The following DR1 variants were observed in gnomAD, a reference collection of about 807,000 sequenced individuals.
DR1 encodes the protein down-regulator of transcription 1.
DR1 carries 7 observed loss-of-function variants against 19.9 expected under a neutral mutation model. The observed-to-expected ratio is 0.35, with a 90% CI of 0.20 to 0.66. DR1 has a LOEUF of 0.66. Ranked by LOEUF, DR1 falls within the 30% of genes least tolerant of loss-of-function variation. The probability of loss-of-function intolerance (pLI) is 0.66; values close to 1 mark genes in which losing one functional copy is unlikely to be tolerated. For synonymous variants in DR1, 76 were observed against 72.5 expected (o/e 1.05, Z -0.24); for missense variants, 98 against 203.7 (o/e 0.48, Z 3.16).
chr1:93,346,840 C>A lies in DR1; in HGVS notation c.195C>A (p.Thr65=), dbSNP rs1268714889. 1.2e-5 allele frequency: 20 copies of A among 1,612,538 alleles called. No individual in the cohort carries two copies. Among genetic ancestry groups the A allele is most frequent in the Non-Finnish European group, 1.7e-5 (20 of 1,179,336 alleles). ...TTTGTAACAAATCGGAAAAGAAGAC[C>A]ATCTCACCAGAGCATGTCATACAAG... The part of the protein sequence containing the change: ...NEICNKSEKK[T]ISPEHVIQAL... The change falls in exon 1 of 3, where the codon ACC becomes ACA. Residue 65 remains threonine, a synonymous_variant. Coordinates refer to ENST00000370272, the MANE Select transcript of DR1 (RefSeq NM_001938.3).
rs1667203729 is a variant in DR1 at position 93,369,137 on chromosome 1, G to C, written c.*8498G>C. 1 of 152,072 alleles carries C rather than the reference G, an allele frequency of 6.6e-6. No individual in the cohort carries two copies. Among genetic ancestry groups the C allele is most frequent in the African/African-American group, 2.4e-5 (1 of 41,408 alleles). The allele number at this position is 152,072 out of a possible 1,614,324, so 9.4% of individuals were successfully genotyped here. ...GGAACCAATCCCTGGCGGATACCAA[G>C]GGATGACTGTAATATAATAACATCT... On this transcript the variant is annotated 3_prime_UTR_variant, in exon 3 of 3. Coordinates refer to ENST00000370272, the MANE Select transcript of DR1 (RefSeq NM_001938.3).
chr1:93,354,806 A>G (rs1395120923), intron 2 of DR1, among the ~76,000 whole-genome samples: 1 of 152,188 alleles, frequency 6.6e-6, no homozygotes, highest in East Asian at 1.9e-4. Flanking sequence ...CATAACAATC[A>G]GTTTGGTTTA....
intron 1 of DR1, 83 bp from the exon 2 acceptor site, chr1:93,353,825 G>A: frequency 1.8e-6 from 2 of 1,139,224 alleles, no homozygotes; most frequent in Non-Finnish European, 1.2e-6. Context: ...CCAAAGAAAA[G>A]CCCACAAAAA....
chr1:93,346,548 T>A lies in DR1; in HGVS notation c.-98T>A. On this transcript the variant is annotated 5_prime_UTR_variant, in exon 1 of 3. Transcript: ENST00000370272. Reference sequence around the variant, plus strand: ...CCTCTTCGCAAAGCACCCCCCGGGATCACTCTCCGAGGGCGACTTTTTGAG... The same window carrying A: ...CCTCTTCGCAAAGCACCCCCCGGGAACACTCTCCGAGGGCGACTTTTTGAG... 1.0e-6 allele frequency: 1 copy of A among 962,048 alleles called. No individual in the cohort carries two copies. The highest frequency in any genetic ancestry group is 1.6e-6 in the Non-Finnish European group (1 of 626,890). The allele number at this position is 962,048 out of a possible 1,614,324, so 59.6% of individuals were successfully genotyped here. A position where few individuals can be genotyped will look rare whatever the true frequency, so the allele number is the denominator to read the frequency against.
chr1:93,348,472 A>G (rs1038317275), intron 1 of DR1, among the ~76,000 whole-genome samples: 1 of 152,138 alleles, frequency 6.6e-6, no homozygotes, highest in African/African-American at 2.4e-5. Context: ...TGTTTACACT[A>G]CAGAAGTGGG....
rs1194017259 is a variant in DR1 at position 93,361,595 on chromosome 1, G to T, written c.*956G>T. The T allele has an allele frequency of 1.3e-5, 2 of 152,458 alleles. No homozygotes were observed. Among genetic ancestry groups the T allele is most frequent in the Non-Finnish European group, 2.9e-5 (2 of 67,938 alleles). 9.4% of individuals were successfully genotyped at this position (152,458 alleles called of 1,614,324 possible). A position where few individuals can be genotyped will look rare whatever the true frequency, so the allele number is the denominator to read the frequency against. ...AGAGGGATTTTTAATTTAACTTGTA[G>T]TTATAGTTTACTTATTGTTTTTAGA... On this transcript the variant is annotated 3_prime_UTR_variant, in exon 3 of 3. Coordinates refer to ENST00000370272, the MANE Select transcript of DR1 (RefSeq NM_001938.3).
chr1:93,359,382 GAAA>G (rs1667028162), intron 2 of DR1, among the ~76,000 whole-genome samples: 1 of 151,924 alleles, frequency 6.6e-6, no homozygotes. Context: ...AAGTGTGGTG[GAAA>G]AAAAGGATAT....
At chr1:93,358,803 T>A (rs904102931) in intron 2 of DR1, among the ~76,000 whole-genome samples, 1 of 152,206 alleles carries the variant, frequency 6.6e-6, no homozygotes, top group African/African-American at 2.4e-5. Flanking sequence ...ATTCTTCGTA[T>A]TAAATTTTTT....
chr1:93,354,282 C>G (rs1666952207), intron 2 of DR1, among the ~76,000 whole-genome samples: 1 of 152,042 alleles, frequency 6.6e-6, no homozygotes, highest in African/African-American at 2.4e-5. Context: ...CTCCAAATAC[C>G]TATTGAAATT....
At chr1:93,352,863 G>C (rs1478362630) in intron 1 of DR1, among the ~76,000 whole-genome samples, 16 of 150,524 alleles carry the variant, frequency 1.1e-4, no homozygotes, top group Admixed American at 1.1e-3. Context: ...GTCTTTTCTG[G>C]ATTACAGAAG....
chr1:93,356,294 A>G (rs926012296), intron 2 of DR1, among the ~76,000 whole-genome samples: 11 of 150,452 alleles, frequency 7.3e-5, no homozygotes, highest in African/African-American at 2.2e-4. Flanking sequence ...CACAGTGGCT[A>G]TTGACAGGCT....
In DR1 at chr1:93,361,473, C is replaced by T. The variant is rs1460538875; in HGVS notation, c.*834C>T. 6.6e-6 allele frequency: 1 copy of T among 152,478 alleles called. No homozygotes were observed. 9.4% of individuals were successfully genotyped at this position (152,478 alleles called of 1,614,324 possible). A position where few individuals can be genotyped will look rare whatever the true frequency, so the allele number is the denominator to read the frequency against. ...AAATATATAGGTGGTACTTTTGAAA[C>T]AATTACATTGGTTCTCTTGGTTTAA... On this transcript the variant is annotated 3_prime_UTR_variant, in exon 3 of 3. Transcript: ENST00000370272.
At chr1:93,348,886 G>T (rs377057178) in intron 1 of DR1, among the ~76,000 whole-genome samples, 2 of 151,914 alleles carry the variant, frequency 1.3e-5, no homozygotes, top group South Asian at 4.1e-4. Flanking sequence ...TTCCAAAGAA[G>T]TTTTGTTTTG....
At chr1:93,360,095 G>A (rs1667034665) in intron 2 of DR1, among the ~76,000 whole-genome samples, 1 of 152,102 alleles carries the variant, frequency 6.6e-6, no homozygotes, top group African/African-American at 2.4e-5. Flanking sequence ...TATCAAAGTT[G>A]TAATATGAGG....
chr1:93,354,221 C>G, intron 2 of DR1, 150 bp downstream of exon 2: 1 of 664,264 alleles, frequency 1.5e-6, no homozygotes, highest in Non-Finnish European at 2.4e-6. Context: ...CAATTTGACT[C>G]TGGTTTATGT....
Position 93,346,522 on chromosome 1 carries a change from C to T in DR1, c.-124C>T, listed in dbSNP as rs1417294341. 9.9e-6 allele frequency: 7 copies of T among 709,264 alleles called. No homozygotes were observed. Among genetic ancestry groups the T allele is most frequent in the Non-Finnish European group, 1.4e-5 (6 of 420,850 alleles). The allele number at this position is 709,264 out of a possible 1,614,324, so 43.9% of individuals were successfully genotyped here. A position where few individuals can be genotyped will look rare whatever the true frequency, so the allele number is the denominator to read the frequency against. On this transcript the variant is annotated 5_prime_UTR_variant, in exon 1 of 3. Coordinates refer to ENST00000370272, the MANE Select transcript of DR1 (RefSeq NM_001938.3). ...GCTGCTCCTCCGTTCATTTTCTGCA[C>T]CCTCTTCGCAAAGCACCCCCCGGGA...
chr1:93,355,435 A>G (rs1666968769), intron 2 of DR1: 1 of 152,218 alleles, frequency 6.6e-6, no homozygotes, highest in East Asian at 1.9e-4. Flanking sequence ...ATTGACTTAA[A>G]TAAAACAGTA....
intron 1 of DR1, among the ~76,000 whole-genome samples, chr1:93,353,054 T>C (rs541767783): frequency 6.6e-6 from 1 of 151,918 alleles, no homozygotes. Context: ...CCCATCACAC[T>C]CGACTAATTT....
intron 1 of DR1, among the ~76,000 whole-genome samples, chr1:93,348,655 G>A (rs1028968598): frequency 2.0e-5 from 3 of 152,100 alleles, no homozygotes; most frequent in Non-Finnish European, 2.9e-5. Context: ...TTTAATGTGT[G>A]AGTCAGAAAG....
Sources: gnomAD v4.1 joint callset for allele counts (sites outside exome capture counted in the v4.1 genomes callset) on GRCh38, gnomAD v4.1.1 for gene constraint, MANE v1.5 for transcripts, NCBI Gene and HGNC (gene_info 2026-07-23, HGNC 2026-07-21) for gene names.